Variants in KLHL1 observed in about 807,000 individuals in gnomAD.
The protein encoded by KLHL1 is kelch like family member 1, also known as kelch-like protein 1.
KLHL1 carries 47 observed loss-of-function variants against 77.7 expected under a neutral mutation model. The ratio of observed to expected loss-of-function variants is 0.60; its 90% confidence interval spans 0.48 to 0.77. The LOEUF is 0.77. Among genes scored for constraint, KLHL1 ranks in the 30% least tolerant of loss-of-function variants. The pLI is 0.00. For missense variants in KLHL1, 925 were observed against 910.8 expected (o/e 1.02, Z -0.20); for synonymous variants, 360 against 325.2 (o/e 1.11, Z -1.15).
chr13:70,075,550 T>TAC (rs1887240434), intron 1 of KLHL1, among the ~76,000 whole-genome samples: 2 of 88,484 alleles, frequency 2.3e-5, no homozygotes, highest in South Asian at 4.8e-4. Flanking sequence ...CATATATATA[T>TAC]ACCTGTGTGT....
intron 7 of KLHL1, among the ~76,000 whole-genome samples, chr13:69,785,038 C>T (rs1312301780): frequency 1.2e-4 from 18 of 150,444 alleles, no homozygotes; most frequent in African/African-American, 1.7e-4. Flanking sequence ...TACAGGCGCC[C>T]GCCACTACGC....
At chr13:69,952,462 A>C (rs2137256568) in intron 3 of KLHL1, among the ~76,000 whole-genome samples, 1 of 151,476 alleles carries the variant, frequency 6.6e-6, no homozygotes, top group East Asian at 1.9e-4. Flanking sequence ...ACATTCCTTT[A>C]GAGAAGAAAA....
chr13:69,807,398 G>T (rs1290540620), intron 6 of KLHL1, among the ~76,000 whole-genome samples: 1 of 152,018 alleles, frequency 6.6e-6, no homozygotes, highest in Non-Finnish European at 1.5e-5. Context: ...GGTATGTCTA[G>T]CACAATACCC....
intron 6 of KLHL1, among the ~76,000 whole-genome samples, chr13:69,822,703 T>C (rs1878383940): frequency 1.3e-5 from 2 of 152,148 alleles, no homozygotes; most frequent in South Asian, 2.1e-4. Context: ...ATAGGCCAAG[T>C]ATCTATTAAG....
At chr13:69,923,028 G>C (rs1882693911) in intron 4 of KLHL1, among the ~76,000 whole-genome samples, 1 of 152,104 alleles carries the variant, frequency 6.6e-6, no homozygotes, top group Admixed American at 6.5e-5. Context: ...AATTAGGTGG[G>C]AGGAGACAGA....
chr13:69,838,860 A>G, intron 6 of KLHL1, 116 bp downstream of exon 6: 1 of 584,550 alleles, frequency 1.7e-6, no homozygotes, highest in Non-Finnish European at 2.7e-6. Flanking sequence ...TTAATCTTAA[A>G]TTACAATAAT....
chr13:70,100,058 T>C lies in KLHL1; in HGVS notation c.497+7145A>G, dbSNP rs543259440. On this transcript the variant is annotated intron_variant, in intron 1 of 10. Transcript: ENST00000377844. ...TTTTATGTAAATTTTTAGAATAAACTCATCAATTTGTAACAAAAAAGCATG... is the reference window on the plus strand; with the variant it reads ...TTTTATGTAAATTTTTAGAATAAACCCATCAATTTGTAACAAAAAAGCATG... 4.1e-4 allele frequency among the ~76,000 whole-genome samples: 62 copies of C among 152,024 alleles called. 4 individuals carry two copies.
intron 4 of KLHL1, among the ~76,000 whole-genome samples, chr13:69,930,680 A>G (rs1279052764): frequency 6.6e-6 from 1 of 151,802 alleles, no homozygotes; most frequent in African/African-American, 2.4e-5. Flanking sequence ...GTTCTGTATC[A>G]AATTTATAAA....
rs577146741 is a variant in KLHL1 at position 69,849,698 on chromosome 13, T to C, written c.1228-10536A>G. ...ATGTAGTCACTTAAAGGCTTAAAAATATGCTAAATTATAAACTTGCAGAAA... is the reference window on the plus strand; with the variant it reads ...ATGTAGTCACTTAAAGGCTTAAAAACATGCTAAATTATAAACTTGCAGAAA... On this transcript the variant is annotated intron_variant, in intron 5 of 10. Transcript: ENST00000377844. 1.2e-4 allele frequency among the ~76,000 whole-genome samples: 17 copies of C among 139,764 alleles called. No homozygotes were observed. The South Asian group carries it at 4.1e-3, about 34-fold the overall frequency. 91.7% of individuals were successfully genotyped at this position (139,764 alleles called of 152,430 possible).
At chr13:70,004,386 A>G (rs542387452) in intron 1 of KLHL1, among the ~76,000 whole-genome samples, 1 of 151,962 alleles carries the variant, frequency 6.6e-6, no homozygotes, top group Admixed American at 6.6e-5. Context: ...TAAGCGTCCA[A>G]GATTATGTTG....
At chr13:69,884,939 T>TTTTC (rs1881147830) in intron 4 of KLHL1, among the ~76,000 whole-genome samples, 5 of 3,458 alleles carry the variant, frequency 1.4e-3, no homozygotes, top group African/African-American at 2.3e-3. Flanking sequence ...CTTTTCTTTT[T>TTTTC]TTTTTTTTTT....
At chr13:69,923,416 T>G (rs2138267988) in intron 4 of KLHL1, among the ~76,000 whole-genome samples, 1 of 152,252 alleles carries the variant, frequency 6.6e-6, no homozygotes, top group Admixed American at 6.5e-5. Flanking sequence ...GGAGGGCAGG[T>G]GCTAAAGTTC....
intron 7 of KLHL1, among the ~76,000 whole-genome samples, chr13:69,789,474 G>A (rs1343299747): frequency 1.3e-5 from 2 of 152,046 alleles, no homozygotes; most frequent in African/African-American, 2.4e-5. Context: ...ATGTGAAATA[G>A]GGAAATTTAG....
Position 69,808,274 on chromosome 13 carries a change from G to A in KLHL1, c.1415-11312C>T, listed in dbSNP as rs145190820. Among the ~76,000 whole-genome samples the A allele has an allele frequency of 3.3e-3, 505 of 152,126 alleles. 3 individuals carry two copies. The highest frequency in any genetic ancestry group is 0.012 in the African/African-American group (483 of 41,512). Reference sequence around the variant, plus strand: ...TGACTACAGGCAAACATACCCTGAGGGAGGGTGCTTTTCTTCCTTCTCTGT... The same window carrying A: ...TGACTACAGGCAAACATACCCTGAGAGAGGGTGCTTTTCTTCCTTCTCTGT... On this transcript the variant is annotated intron_variant, in intron 6 of 10. Transcript: ENST00000377844.
intron 6 of KLHL1, among the ~76,000 whole-genome samples, chr13:69,833,538 A>G (rs1003128784): frequency 6.6e-6 from 1 of 151,938 alleles, no homozygotes; most frequent in Non-Finnish European, 1.5e-5. Flanking sequence ...ACTATATAAA[A>G]AACAGTATGG....
At chr13:69,975,504 CTTA>C (rs1884518915) in intron 2 of KLHL1, 113 bp downstream of exon 2, 2 of 934,590 alleles carry the variant, frequency 2.1e-6, no homozygotes, top group African/African-American at 1.8e-5. Context: ...CAACAAAAAA[CTTA>C]AAAAAATGTG....
chr13:69,904,670 C>T (rs570415120), intron 4 of KLHL1, among the ~76,000 whole-genome samples: 92 of 152,198 alleles, frequency 6.0e-4, no homozygotes, highest in Non-Finnish European at 7.1e-4. Flanking sequence ...CAAACACAGA[C>T]AATTTAAGTA....
chr13:69,824,209 T>C (rs1016839001), intron 6 of KLHL1, among the ~76,000 whole-genome samples: 1 of 152,048 alleles, frequency 6.6e-6, no homozygotes, highest in Non-Finnish European at 1.5e-5. Flanking sequence ...TGTTTCTATG[T>C]ATAAAATTTC....
At chr13:69,978,980 C>CG (rs1884629146) in intron 1 of KLHL1, among the ~76,000 whole-genome samples, 1 of 151,254 alleles carries the variant, frequency 6.6e-6, no homozygotes, top group African/African-American at 2.4e-5. Flanking sequence ...GTTTGGGGGG[C>CG]TGGGGGTCAT....
Sources: gnomAD v4.1 joint callset for allele counts (sites outside exome capture counted in the v4.1 genomes callset) on GRCh38, gnomAD v4.1.1 for gene constraint, MANE v1.5 for transcripts, NCBI Gene and HGNC (gene_info 2026-07-23, HGNC 2026-07-21) for gene names.